Variants in BMP8A observed in about 807,000 individuals in gnomAD.
BMP8A encodes the protein bone morphogenetic protein 8a.
A neutral mutation model predicts 36.8 loss-of-function variants in BMP8A; 14 were observed. The ratio of observed to expected loss-of-function variants is 0.38; its 90% CI spans 0.25 to 0.60. BMP8A has a LOEUF of 0.60. Ranked by LOEUF, BMP8A falls within the 20% of genes least tolerant of loss-of-function variation. The probability of loss-of-function intolerance (pLI) is 0.63; values close to 1 mark genes in which losing one functional copy is unlikely to be tolerated. For missense variants in BMP8A, 267 were observed against 551.1 expected, an observed-to-expected ratio of 0.48 and a Z score of 5.16; for synonymous variants, 120 against 237.7, an observed-to-expected ratio of 0.50 and a Z score of 4.55.
intron 1 of BMP8A, among the ~76,000 whole-genome samples, chr1:39,509,662 T>C (rs79468292): frequency 0.027 from 4,095 of 152,254 alleles, 69 homozygotes; most frequent in Middle Eastern, 0.051. Context: ...TGGACCAGGT[T>C]CCCACCACGA....
chr1:39,497,280 G>A (rs1157629403), intron 1 of BMP8A, among the ~76,000 whole-genome samples: 1 of 152,186 alleles, frequency 6.6e-6, no homozygotes, highest in Admixed American at 6.5e-5. Context: ...GCTGTGCGAT[G>A]TTGAGCAGCT....
chr1:39,503,373 A>C (rs1195825944), intron 1 of BMP8A, among the ~76,000 whole-genome samples: 2 of 151,954 alleles, frequency 1.3e-5, no homozygotes, highest in East Asian at 3.9e-4. Context: ...AAAGAAAGAA[A>C]ATCACTATTG....
At chr1:39,510,705 A>G (rs1476602957) in intron 1 of BMP8A, among the ~76,000 whole-genome samples, 1 of 152,150 alleles carries the variant, frequency 6.6e-6, no homozygotes, top group Non-Finnish European at 1.5e-5. Flanking sequence ...CAGGCTCTGG[A>G]TGGCTTATGT....
intron 1 of BMP8A, among the ~76,000 whole-genome samples, chr1:39,501,978 G>GC (rs1645257245): frequency 6.6e-6 from 1 of 152,086 alleles, no homozygotes; most frequent in Non-Finnish European, 1.5e-5. Context: ...AATGGCTCAC[G>GC]CCTATAATCC....
intron 1 of BMP8A, among the ~76,000 whole-genome samples, chr1:39,500,965 T>G (rs1324930417): frequency 6.6e-6 from 1 of 152,200 alleles, no homozygotes; most frequent in Admixed American, 6.5e-5. Context: ...AAAACAGGTT[T>G]ATTTGGCATA....
chr1:39,510,593 C>T (rs1253375894), intron 1 of BMP8A, among the ~76,000 whole-genome samples: 3 of 151,286 alleles, frequency 2.0e-5, no homozygotes, highest in Non-Finnish European at 4.4e-5. Context: ...CCCTGCAGGG[C>T]CCGTCTCCCT....
chr1:39,500,691 C>T (rs1397513212), intron 1 of BMP8A, among the ~76,000 whole-genome samples: 1 of 151,822 alleles, frequency 6.6e-6, no homozygotes, highest in Non-Finnish European at 1.5e-5. Context: ...CTTGCTCTGT[C>T]ACCCTGGCTG....
intron 6 of BMP8A, among the ~76,000 whole-genome samples, chr1:39,525,381 C>T (rs560146350): frequency 2.6e-5 from 4 of 152,246 alleles, no homozygotes; most frequent in East Asian, 3.9e-4. Flanking sequence ...GCCTGGGACT[C>T]GAGGCCCCTC....
rs1645510160 is a variant in BMP8A at position 39,529,033 on chromosome 1, T to A, written c.*3235T>A. On this transcript the variant is annotated 3_prime_UTR_variant, in exon 7 of 7. Transcript: ENST00000331593. ...CCACTTACCCGGCCTCTGCCTCTTG[T>A]TAATTTGACCACATCATGTACCTGC... 6.6e-6 allele frequency: 1 copy of A among 152,302 alleles called. No homozygotes were observed. The highest frequency in any genetic ancestry group is 2.1e-4 in the South Asian group (1 of 4,834). The allele number at this position is 152,302 out of a possible 1,614,324, so 9.4% of individuals were successfully genotyped here.
chr1:39,492,925 A>G (rs565656655), intron 1 of BMP8A, among the ~76,000 whole-genome samples: 16 of 152,272 alleles, frequency 1.1e-4, no homozygotes, highest in South Asian at 4.1e-4. Context: ...GGCCTGGTAT[A>G]GGGTGAGTGT....
chr1:39,502,195 G>T (rs1645259168), intron 1 of BMP8A, among the ~76,000 whole-genome samples: 1 of 137,448 alleles, frequency 7.3e-6, no homozygotes, highest in African/African-American at 2.7e-5. Flanking sequence ...CTGAGATCAC[G>T]CCACTGCACT....
At chr1:39,508,498 TCA>T (rs1468073593) in intron 1 of BMP8A, among the ~76,000 whole-genome samples, 4 of 152,170 alleles carry the variant, frequency 2.6e-5, no homozygotes, top group African/African-American at 9.7e-5. Context: ...GAGACTGATA[TCA>T]CATAGGTTGC....
intron 6 of BMP8A, chr1:39,523,530 AGT>A: frequency 2.2e-6 from 3 of 1,371,692 alleles, no homozygotes; most frequent in Non-Finnish European, 2.8e-6. Flanking sequence ...ATGTGCGCAC[AGT>A]GTGTGGGGTG....
At chr1:39,519,088 G>A (rs1224789671) in intron 3 of BMP8A, among the ~76,000 whole-genome samples, 1 of 111,526 alleles carries the variant, frequency 9.0e-6, no homozygotes, top group African/African-American at 3.6e-5. Flanking sequence ...TCTATCCTGT[G>A]TCTGGGAGAC....
At chr1:39,496,509 C>T (rs1374969280) in intron 1 of BMP8A, among the ~76,000 whole-genome samples, 1 of 152,052 alleles carries the variant, frequency 6.6e-6, no homozygotes, top group African/African-American at 2.4e-5. Flanking sequence ...CCTCAGTTTC[C>T]TCCTCTGTAA....
Position 39,492,199 on chromosome 1 carries a change from C to T in BMP8A, c.208C>T (p.Pro70Ser), listed in dbSNP as rs554089005. ...CGCGCCACCCGCCGCCTCCCGGCTG[C>T]CCGCGTCCGCGCCGCTCTTCATGCT... The part of the protein sequence containing the change: ...PRAPPAASRL[P>S]ASAPLFMLDL... The change falls in exon 1 of 7, where the codon CCC becomes TCC. Residue 70 changes from proline to serine, a missense_variant. By Grantham distance (74) the Pro-to-Ser change is moderately conservative. Around this residue, in one of 7 missense-constraint regions of BMP8A, gnomAD observed 21 missense variants for 59.2 expected, o/e 0.35. Transcript: ENST00000331593. The T allele has an allele frequency of 4.3e-6, 6 of 1,388,910 alleles. No homozygotes were observed. The East Asian group carries it at 1.8e-4, about 42-fold the overall frequency. The allele number at this position is 1,388,910 out of a possible 1,614,324, so 86.0% of individuals were successfully genotyped here. A position where few individuals can be genotyped will look rare whatever the true frequency, so the allele number is the denominator to read the frequency against.
chr1:39,493,715 T>C (rs1187782079), intron 1 of BMP8A, among the ~76,000 whole-genome samples: 1 of 152,218 alleles, frequency 6.6e-6, no homozygotes, highest in African/African-American at 2.4e-5. Flanking sequence ...GGGATCTGTA[T>C]GCTGCCTTTG....
Position 39,529,387 on chromosome 1 carries a change from G to A in BMP8A, c.*3589G>A, listed in dbSNP as rs1176047021. ...TCGCCTGCTCGTGGAAGGAGTCTGG[G>A]CCAGCAGTGACCCACGCGCTAGGGT... On this transcript the variant is annotated 3_prime_UTR_variant, in exon 7 of 7. Coordinates refer to ENST00000331593, the MANE Select transcript of BMP8A (RefSeq NM_181809.4). Among the ~76,000 whole-genome samples the A allele has an allele frequency of 6.6e-6, 1 of 152,168 alleles. No homozygotes were observed. The highest frequency in any genetic ancestry group is 6.5e-5 in the Admixed American group (1 of 15,274).
intron 3 of BMP8A, among the ~76,000 whole-genome samples, chr1:39,519,698 G>A (rs538108306): frequency 8.9e-4 from 135 of 151,954 alleles, no homozygotes; most frequent in African/African-American, 3.1e-3. Context: ...CTGAGGGTGG[G>A]GCAGGCAGTG....
Sources: gnomAD v4.1 joint callset for allele counts (sites outside exome capture counted in the v4.1 genomes callset) on GRCh38, gnomAD v4.1.1 for gene constraint, gnomAD v4.1.1 regional missense constraint, MANE v1.5 for transcripts, NCBI Gene and HGNC (gene_info 2026-07-23, HGNC 2026-07-21) for gene names.